Variants in WDR27 observed in about 807,000 individuals in gnomAD.
WDR27 encodes WD repeat domain 27.
A neutral mutation model predicts 114.4 loss-of-function variants in WDR27; 100 were observed. The observed-to-expected ratio is 0.87, with a 90% CI of 0.74 to 1.03. WDR27 has a LOEUF of 1.03. Ranked by LOEUF, WDR27 falls within the 50% of genes least tolerant of loss-of-function variation. The pLI is 0.00. For synonymous variants in WDR27, 449 were observed against 423.1 expected (o/e 1.06, Z -0.75); for missense variants, 1,129 against 1,092.9 (o/e 1.03, Z -0.47).
intron 25 of WDR27, among the ~76,000 whole-genome samples, chr6:169,457,901 A>T (rs1784453289): frequency 6.6e-6 from 1 of 150,494 alleles, no homozygotes; most frequent in Admixed American, 6.7e-5. Flanking sequence ...AGGGCATGGA[A>T]CATCCTGGTT....
chr6:169,678,223 G>C (rs917476776), intron 2 of WDR27, among the ~76,000 whole-genome samples: 1 of 152,224 alleles, frequency 6.6e-6, no homozygotes, highest in African/African-American at 2.4e-5. Flanking sequence ...GCAGCCACAA[G>C]GGCTGAACCT....
intron 25 of WDR27, among the ~76,000 whole-genome samples, chr6:169,497,254 A>G (rs183829688): frequency 6.6e-6 from 1 of 152,246 alleles, no homozygotes; most frequent in East Asian, 1.9e-4. Flanking sequence ...ACCTAAAACC[A>G]TGTACAAAAA....
intron 25 of WDR27, chr6:169,559,073 T>C (rs1007374251): frequency 6.6e-6 from 1 of 152,240 alleles, no homozygotes. Context: ...TCCTTCTCTT[T>C]CTGCTGAAGA....
At chr6:169,660,149 C>T (rs1379039881) in intron 10 of WDR27, among the ~76,000 whole-genome samples, 1 of 119,490 alleles carries the variant, frequency 8.4e-6, no homozygotes, top group African/African-American at 3.2e-5. Flanking sequence ...CGGCTGGTGG[C>T]ATCCATGGAG....
chr6:169,583,008 G>C, intron 23 of WDR27, 74 bp from the exon 24 acceptor site: 1 of 1,314,976 alleles, frequency 7.6e-7, no homozygotes, highest in Non-Finnish European at 1.1e-6. Flanking sequence ...GCAGAGCAGA[G>C]GGACCATCTA....
At chr6:169,583,937 T>C (rs1804063479) in intron 23 of WDR27, among the ~76,000 whole-genome samples, 1 of 152,158 alleles carries the variant, frequency 6.6e-6, no homozygotes, top group South Asian at 2.1e-4. Context: ...CTAAAATCTA[T>C]GTAGTTCAGG....
chr6:169,568,679 C>A (rs188493776), intron 25 of WDR27, among the ~76,000 whole-genome samples: 2 of 152,302 alleles, frequency 1.3e-5, no homozygotes, highest in East Asian at 3.9e-4. Context: ...ACTTTCCAAT[C>A]CTACATATTC....
chr6:169,449,884 A>G, the WDR27 span, among the ~76,000 whole-genome samples: 1 of 152,310 alleles, frequency 6.6e-6, no homozygotes, highest in South Asian at 2.1e-4. Flanking sequence ...TGCACACTAA[A>G]CTACCACAAT....
intron 25 of WDR27, among the ~76,000 whole-genome samples, chr6:169,466,793 T>C (rs1785649667): frequency 1.3e-5 from 2 of 152,282 alleles, no homozygotes; most frequent in Admixed American, 1.3e-4. Context: ...AAATCTCATG[T>C]CTTCACATTT....
chr6:169,654,704 A>C (rs75659875), intron 13 of WDR27, among the ~76,000 whole-genome samples: 12,906 of 150,494 alleles, frequency 0.086, 670 homozygotes, highest in African/African-American at 0.13. Flanking sequence ...GCTGAGGAGG[A>C]GGCGCGCACA....
intron 3 of WDR27, chr6:169,671,316 T>C (rs1328958666): frequency 6.6e-6 from 1 of 152,402 alleles, no homozygotes; most frequent in Non-Finnish European, 1.5e-5. Flanking sequence ...GAGACACATG[T>C]GCTCATGTCC....
intron 25 of WDR27, among the ~76,000 whole-genome samples, chr6:169,570,145 T>G (rs1023295395): frequency 1.3e-5 from 2 of 152,182 alleles, no homozygotes; most frequent in African/African-American, 4.8e-5. Context: ...TTGCGCTTGA[T>G]GCTGGTCCCA....
chr6:169,491,856 C>A (rs531615096), intron 25 of WDR27, among the ~76,000 whole-genome samples: 25 of 152,196 alleles, frequency 1.6e-4, no homozygotes, highest in African/African-American at 5.8e-4. Context: ...AAATTCCTCA[C>A]ATGAGGTCCC....
rs1211657638 is a variant in WDR27, at chr6:169,672,236, G to T, written c.331+19C>A. ...TCCTTTTGCAGGTTTTTAAAAACAT[G>T]TTTTAGATTTTCATTTACCTTGAAG... On this transcript the variant is annotated intron_variant, in intron 3 of 25. Coordinates refer to ENST00000448612, the MANE Select transcript of WDR27 (RefSeq NM_182552.5). 13 of 1,610,180 alleles carry T rather than the reference G, an allele frequency of 8.1e-6. No individual in the cohort carries two copies. Among genetic ancestry groups the T allele is most frequent in the African/African-American group, 1.3e-5 (1 of 74,784 alleles).
intron 2 of WDR27, among the ~76,000 whole-genome samples, chr6:169,680,624 T>C (rs1299489153): frequency 6.6e-6 from 1 of 152,208 alleles, no homozygotes; most frequent in Non-Finnish European, 1.5e-5. Flanking sequence ...TAAATATCTT[T>C]AAAAGATCCC....
the WDR27 span, among the ~76,000 whole-genome samples, chr6:169,451,470 G>C: frequency 1.3e-5 from 2 of 152,184 alleles, no homozygotes; most frequent in African/African-American, 4.8e-5. Flanking sequence ...TAAATTTATT[G>C]AGACTTGTCT....
downstream of WDR27, among the ~76,000 whole-genome samples, chr6:169,454,391 G>C (rs778314240): frequency 6.6e-6 from 1 of 152,064 alleles, no homozygotes; most frequent in Non-Finnish European, 1.5e-5. Context: ...TGACCTGCAT[G>C]TGGGTACATG....
chr6:169,476,352 T>C (rs549754563), intron 25 of WDR27, among the ~76,000 whole-genome samples: 2 of 152,134 alleles, frequency 1.3e-5, no homozygotes, highest in Admixed American at 6.5e-5. Flanking sequence ...TAAAAGAACC[T>C]GCTCTCCATT....
At chr6:169,681,464 T>C (rs1185061176) in intron 2 of WDR27, among the ~76,000 whole-genome samples, 2 of 152,220 alleles carry the variant, frequency 1.3e-5, no homozygotes, top group Non-Finnish European at 2.9e-5. Context: ...GACCCACACC[T>C]AGGTGGCTGA....
Sources: gnomAD v4.1 joint callset for allele counts (sites outside exome capture counted in the v4.1 genomes callset) on GRCh38, gnomAD v4.1.1 for gene constraint, MANE v1.5 for transcripts, NCBI Gene and HGNC (gene_info 2026-07-23, HGNC 2026-07-21) for gene names.